Variants in ESRP2 observed in about 807,000 individuals in gnomAD.
The protein encoded by ESRP2 is RNA binding motif protein 35A.
ESRP2 carries 48 observed loss-of-function variants against 78.6 expected under a neutral mutation model. The observed-to-expected ratio is 0.61, with a 90% CI of 0.48 to 0.78. The LOEUF (loss-of-function observed/expected upper bound fraction) is 0.78, where lower values mean the gene tolerates loss of function less well. Among genes scored for constraint, ESRP2 ranks in the 30% least tolerant of loss-of-function variants. ESRP2 has a pLI of 0.00. For synonymous variants in ESRP2, 383 were observed against 406.7 expected (o/e 0.94, Z 0.70); for missense variants, 863 against 965.9 (o/e 0.89, Z 1.41).
chr16:68,232,173 C>G lies in ESRP2; in HGVS notation c.998-70G>C. 1 of 1,612,744 alleles carries G rather than the reference C, an allele frequency of 6.2e-7. No homozygotes were observed. ...ACACTCACCCATGCAGGGGAGCAGG[C>G]AGGCAAGGGGTGGTGGGGAAGTGAA... is the stretch of plus-strand genomic sequence containing the variant. On this transcript the variant is annotated intron_variant, in intron 9 of 14. Coordinates refer to ENST00000473183, the MANE Select transcript of ESRP2 (RefSeq NM_024939.3). The surrounding 1 kb of genome is among the most constrained non-coding windows in gnomAD (Gnocchi z 5.2).
chr16:68,233,361 T>C lies in ESRP2; in HGVS notation c.621A>G (p.Val207=), dbSNP rs1240618938. Residue 207 remains valine (V), a synonymous_variant, in exon 5 of 15, where the codon GTA becomes GTG. Coordinates refer to ENST00000473183, the MANE Select transcript of ESRP2 (RefSeq NM_024939.3). ...DFGVWEVKTM[V]AVILHLLKEP... ...CTTTGAGTAGATGGAGGATAACAGC[T>C]ACCATTGTCTTGACTTCCCAGACCC... 6.2e-7 allele frequency: 1 copy of C among 1,614,148 alleles called. No individual in the cohort carries two copies. The highest frequency in any genetic ancestry group is 2.2e-5 in the East Asian group (1 of 44,880).
Position 68,233,983 on chromosome 16 carries a change from C to G in ESRP2, c.441+11G>C. On this transcript the variant is annotated intron_variant, in intron 3 of 14. Coordinates refer to ENST00000473183, the MANE Select transcript of ESRP2 (RefSeq NM_024939.3). ...CACCCCACCCCACCCGGTTTTCCTTCAGGAGCATACCTTCCTGGAGGCCTC... is the reference window on the plus strand; with the variant it reads ...CACCCCACCCCACCCGGTTTTCCTTGAGGAGCATACCTTCCTGGAGGCCTC... 6.2e-7 allele frequency: 1 copy of G among 1,613,476 alleles called. No individual in the cohort carries two copies. The highest frequency in any genetic ancestry group is 8.5e-7 in the Non-Finnish European group (1 of 1,179,520).
In ESRP2 at chr16:68,235,834, C is replaced by G; in HGVS notation, c.198+14G>C. The G allele has an allele frequency of 6.2e-7, 1 of 1,611,692 alleles. No individual in the cohort carries two copies. On this transcript the variant is annotated intron_variant, in intron 1 of 14. Coordinates refer to ENST00000473183, the MANE Select transcript of ESRP2 (RefSeq NM_024939.3). The surrounding 1 kb of genome is among the most constrained non-coding windows in gnomAD (Gnocchi z 5.5). ...AAGCTCCCTGGGGACCTCACCGCCTCTTTTCCACCCTACCTGGCGGCTCCG... is the reference window on the plus strand; with the variant it reads ...AAGCTCCCTGGGGACCTCACCGCCTGTTTTCCACCCTACCTGGCGGCTCCG...
Position 68,230,394 on chromosome 16 carries a change from A to G in ESRP2, c.2059T>C (p.Tyr687His), listed in dbSNP as rs768230534. Residue 687 changes from tyrosine (Y) to histidine (H), a missense_variant, in exon 14 of 15, where the codon TAC becomes CAC. Transcript: ENST00000473183. ...MKDLLSVFQA[Y>H]QLPADDYTSL... is the part of the protein sequence containing the mutation. ...CTCCGGCCACACAATCTCACCTGGT[A>G]GGCCTGGAAGACGCTGAGCAGATCC... 8 of 1,613,802 alleles carry G rather than the reference A, an allele frequency of 5.0e-6. No homozygotes were observed. The highest frequency in any genetic ancestry group is 6.8e-6 in the Non-Finnish European group (8 of 1,179,846).
rs1227203639 is a variant in ESRP2, at chr16:68,230,851, A to G, written c.1888T>C (p.Tyr630His). 1.2e-6 allele frequency: 2 copies of G among 1,613,904 alleles called. No individual in the cohort carries two copies. The highest frequency in any genetic ancestry group is 1.7e-6 in the Non-Finnish European group (2 of 1,179,952). ...TTAGCTGCAGGGTACCTTGGGTAGT[A>G]GGCTGTGTAGTTCAGGTAGAGTTGA... is the stretch of plus-strand genomic sequence containing the variant. ...ATQLYLNYTA[Y>H]YPSPPVSPTT... Residue 630 changes from tyrosine to histidine, a missense_variant, in exon 13 of 15, where the codon TAC (tyrosine) becomes CAC (histidine). Coordinates refer to ENST00000473183, the MANE Select transcript of ESRP2 (RefSeq NM_024939.3).
At position 68,231,771 on chromosome 16, in the gene ESRP2, C is replaced by T. The variant is rs371478390; in HGVS notation, c.1299+31G>A. ...AGAGGGCCGCCCTGGAGTAACAGTA[C>T]ATCTGGGGGTGGGGAGCCCTGGGCG... is the stretch of plus-strand genomic sequence containing the variant. On this transcript the variant is annotated intron_variant, in intron 10 of 14. Transcript: ENST00000473183. This position sits in a 1 kb window ranked among gnomAD's most constrained non-coding sequence, Gnocchi z 6.0. 1.4e-4 allele frequency: 223 copies of T among 1,602,174 alleles called. No individual in the cohort carries two copies. Among genetic ancestry groups the T allele is most frequent in the Non-Finnish European group, 1.6e-4 (189 of 1,171,622 alleles).
Position 68,235,783 on chromosome 16 carries a change from C to G in ESRP2, c.199-21G>C, listed in dbSNP as rs1269171212. The G allele has an allele frequency of 1.2e-6, 2 of 1,608,686 alleles. No homozygotes were observed. The stretch of plus-strand genomic sequence containing the variant: ...CCCACCTGTGAGCGGCGGGGGAAAC[C>G]GATCAGCCGCGCCCCTCGACCCCGG... On this transcript the variant is annotated intron_variant, in intron 1 of 14. Coordinates refer to ENST00000473183, the MANE Select transcript of ESRP2 (RefSeq NM_024939.3). The surrounding 1 kb of genome is among the most constrained non-coding windows in gnomAD (Gnocchi z 5.5).
Position 68,232,908 on chromosome 16 carries a change from G to GA in ESRP2, c.656-94dup, listed in dbSNP as rs2042165625. On this transcript the variant is annotated intron_variant, in intron 5 of 14. Transcript: ENST00000473183. The surrounding 1 kb of genome is among the most constrained non-coding windows in gnomAD (Gnocchi z 5.2). ...AAAGTGGACAATTGAGAGAGATGAA[G>GA]AAATGACAGGCCGAGCACAGTGGCT... 4 of 1,554,144 alleles carry GA rather than the reference G, an allele frequency of 2.6e-6. No homozygotes were observed. The South Asian group carries it at 4.5e-5, about 17-fold the overall frequency.
Position 68,232,259 on chromosome 16 carries a change from T to C in ESRP2, c.984A>G (p.Val328=). ...CAGTATACTCACCCCCTGCAATCTT[T>C]ACAAACTCCTCCCCTGTCGCTTTAT... The part of the protein sequence containing the change: ...EVYKATGEEF[V]KIAGGTSLEV... Residue 328 remains valine (V), a synonymous_variant, in exon 9 of 15, where the codon GTA becomes GTG. Transcript: ENST00000473183. This position sits in a 1 kb window ranked among gnomAD's most constrained non-coding sequence, Gnocchi z 5.2. 1 of 1,614,130 alleles carries C rather than the reference T, an allele frequency of 6.2e-7. No individual in the cohort carries two copies. Among genetic ancestry groups the C allele is most frequent in the Non-Finnish European group, 8.5e-7 (1 of 1,180,008 alleles).
In ESRP2 at chr16:68,232,548, A is replaced by T; in HGVS notation, c.821+29T>A. On this transcript the variant is annotated intron_variant, in intron 7 of 14. Coordinates refer to ENST00000473183, the MANE Select transcript of ESRP2 (RefSeq NM_024939.3). This position sits in a 1 kb window ranked among gnomAD's most constrained non-coding sequence, Gnocchi z 5.2. ...AGTGCCTCCTGGGTAGGCCTGTCCAATTGGGCCCACCCACCCTGCCACACC... is the reference window on the plus strand; with the variant it reads ...AGTGCCTCCTGGGTAGGCCTGTCCATTTGGGCCCACCCACCCTGCCACACC... 6.2e-7 allele frequency: 1 copy of T among 1,613,880 alleles called. No homozygotes were observed. Among genetic ancestry groups the T allele is most frequent in the Non-Finnish European group, 8.5e-7 (1 of 1,179,966 alleles).
rs751115440 is a variant in ESRP2, at chr16:68,230,850, T to G, written c.1889A>C (p.Tyr630Ser). ...ATQLYLNYTA[Y>S]YPSPPVSPTT... is the part of the protein sequence containing the mutation. Reference sequence around the variant, plus strand: ...CTTAGCTGCAGGGTACCTTGGGTAGTAGGCTGTGTAGTTCAGGTAGAGTTG... The same window carrying G: ...CTTAGCTGCAGGGTACCTTGGGTAGGAGGCTGTGTAGTTCAGGTAGAGTTG... The change falls in exon 13 of 15, where the codon TAC (tyrosine) becomes TCC (serine). Residue 630 changes from tyrosine to serine, a missense_variant. Transcript: ENST00000473183. 37 of 1,613,846 alleles carry G rather than the reference T, an allele frequency of 2.3e-5. No individual in the cohort carries two copies. The highest frequency in any genetic ancestry group is 1.1e-4 in the African/African-American group (8 of 74,860).
chr16:68,231,150 C>T lies in ESRP2; in HGVS notation c.1711+28G>A. 6.2e-7 allele frequency: 1 copy of T among 1,612,310 alleles called. No homozygotes were observed. Among genetic ancestry groups the T allele is most frequent in the Non-Finnish European group, 8.5e-7 (1 of 1,179,478 alleles). On this transcript the variant is annotated intron_variant, in intron 12 of 14. Transcript: ENST00000473183. This position sits in a 1 kb window ranked among gnomAD's most constrained non-coding sequence, Gnocchi z 6.0. Reference sequence around the variant, plus strand: ...CAACAGCCTGGCTACCACAGGCCTCCTCCTCCCCTAGCCCCTAGGGCACTC... The same window carrying T: ...CAACAGCCTGGCTACCACAGGCCTCTTCCTCCCCTAGCCCCTAGGGCACTC...
At position 68,232,434 on chromosome 16, in the gene ESRP2, G is replaced by C. The variant is rs775916225; in HGVS notation, c.891C>G (p.Asp297Glu). The C allele has an allele frequency of 1.9e-6, 3 of 1,614,038 alleles. No homozygotes were observed. The highest frequency in any genetic ancestry group is 2.5e-6 in the Non-Finnish European group (3 of 1,180,038). ...RNGEALIRFV[D>E]SEQRDLALQR... ...GCAGCGCTAGGTCCCGCTGCTCGCT[G>C]TCCACAAAGCGGATGAGGGCCTCGC... Residue 297 changes from aspartate (D) to glutamate (E), a missense_variant, in exon 8 of 15, where the codon GAC becomes GAG. Transcript: ENST00000473183. The surrounding 1 kb of genome is among the most constrained non-coding windows in gnomAD (Gnocchi z 5.2).
chr16:68,232,681 C>G lies in ESRP2; in HGVS notation c.717G>C (p.Lys239Asn). Residue 239 changes from lysine to asparagine, a missense_variant, in exon 7 of 15, where the codon AAG becomes AAC. Lys to Asn is a moderately conservative substitution (Grantham distance 94, BLOSUM62 0). Transcript: ENST00000473183. The surrounding 1 kb of genome is among the most constrained non-coding windows in gnomAD (Gnocchi z 5.2). ...KQKYETGPCS[K>N]ADVVDSETVV... ...CAGTCTCACTGTCCACCACATCAGC[C>G]TTGCTGCTGTAGGGGCAGGGCACAG... 1 of 1,614,240 alleles carries G rather than the reference C, an allele frequency of 6.2e-7. No individual in the cohort carries two copies. Among genetic ancestry groups the G allele is most frequent in the Non-Finnish European group, 8.5e-7 (1 of 1,180,016 alleles).
At position 68,235,077 on chromosome 16, in the gene ESRP2, C is replaced by G; in HGVS notation, c.327+557G>C. ...GCAGGAGGCACCCCAGGCCTTTGCA[C>G]TCAGCAGGCAGATAGTCCCCCAGGC... is the stretch of plus-strand genomic sequence containing the variant. On this transcript the variant is annotated intron_variant, in intron 2 of 14. Coordinates refer to ENST00000473183, the MANE Select transcript of ESRP2 (RefSeq NM_024939.3). The surrounding 1 kb of genome is among the most constrained non-coding windows in gnomAD (Gnocchi z 5.5). The G allele has an allele frequency of 2.0e-6, 2 of 978,986 alleles. No homozygotes were observed. The highest frequency in any genetic ancestry group is 5.3e-4 in the Middle Eastern group (1 of 1,902). The allele number at this position is 978,986 out of a possible 1,614,324, so 60.6% of individuals were successfully genotyped here.
chr16:68,235,918 C>G lies in ESRP2; in HGVS notation c.128G>C (p.Arg43Pro), dbSNP rs137888852. ...LFGATAGALGRDLGSDETDLI... is the reference protein window; with the variant it reads ...LFGATAGALGPDLGSDETDLI... ...GTCGGTCTCGTCCGAGCCCAGGTCC[C>G]GTCCCAGCGCACCCGCCGTAGCCCC... Residue 43 changes from arginine (R) to proline (P), a missense_variant, in exon 1 of 15, where the codon CGG (arginine) becomes CCG (proline). Physicochemically the swap from Arg to Pro is moderately radical, Grantham distance 103 (BLOSUM62 -2). Transcript: ENST00000473183. The surrounding 1 kb of genome is among the most constrained non-coding windows in gnomAD (Gnocchi z 5.5). 6.2e-7 allele frequency: 1 copy of G among 1,606,116 alleles called. No homozygotes were observed. Among genetic ancestry groups the G allele is most frequent in the African/African-American group, 1.3e-5 (1 of 74,794 alleles).
Position 68,235,490 on chromosome 16 carries a change from GAGTCGCTCAA to G in ESRP2, c.327+134_327+143del. 1.4e-6 allele frequency: 2 copies of G among 1,447,706 alleles called. No individual in the cohort carries two copies. The highest frequency in any genetic ancestry group is 1.8e-6 in the Non-Finnish European group (2 of 1,105,900). 89.7% of individuals were successfully genotyped at this position (1,447,706 alleles called of 1,614,324 possible). On this transcript the variant is annotated intron_variant, in intron 2 of 14. Coordinates refer to ENST00000473183, the MANE Select transcript of ESRP2 (RefSeq NM_024939.3). This position sits in a 1 kb window ranked among gnomAD's most constrained non-coding sequence, Gnocchi z 5.5. ...GGATGAAAGGGGCACGCACACGCGAGAGTCGCTCAAAGTTTCAAACAAGAGCCCAGTCCTG... is the reference window on the plus strand; with the variant it reads ...GGATGAAAGGGGCACGCACACGCGAGAGTTTCAAACAAGAGCCCAGTCCTG...
rs1451049562 is a variant in ESRP2, at chr16:68,234,087, C to T, written c.348G>A (p.Gly116=). 6.2e-7 allele frequency: 1 copy of T among 1,612,730 alleles called. No homozygotes were observed. The highest frequency in any genetic ancestry group is 2.2e-5 in the East Asian group (1 of 44,788). ...VLQQFSQLVN[G]DVALLGGGPY... is the part of the protein sequence containing the mutation. The stretch of plus-strand genomic sequence containing the variant: ...GGCCCCCGCCCAGCAAAGCCACATC[C>T]CCGTTCACCAGCTGTGAGAACTGGG... The change falls in exon 3 of 15, where the codon GGG becomes GGA. Residue 116 remains glycine (G), a synonymous_variant. Coordinates refer to ENST00000473183, the MANE Select transcript of ESRP2 (RefSeq NM_024939.3).
Position 68,230,312 on chromosome 16 carries a change from G to C in ESRP2, c.2068C>G (p.Pro690Ala). The C allele has an allele frequency of 6.2e-7, 1 of 1,614,202 alleles. No individual in the cohort carries two copies. The highest frequency in any genetic ancestry group is 8.5e-7 in the Non-Finnish European group (1 of 1,180,010). The change falls in exon 15 of 15, where the codon CCC becomes GCC. Residue 690 changes from proline to alanine, a missense_variant. Coordinates refer to ENST00000473183, the MANE Select transcript of ESRP2 (RefSeq NM_024939.3). ...LLSVFQAYQL[P>A]ADDYTSLMPV... is the part of the protein sequence containing the mutation. ...ATCAGACTGGTGTAGTCATCAGCGG[G>C]TAGCTACAGAAGGGACACAGATTTA...
Sources: allele counts gnomAD v4.1 joint callset, GRCh38; gene constraint gnomAD v4.1.1; non-coding constraint Gnocchi (gnomAD v3.1); transcripts MANE v1.5; gene names NCBI Gene and HGNC (gene_info 2026-07-23, HGNC 2026-07-21).